Variants in RSRC1 observed in about 807,000 individuals in gnomAD.
RSRC1 encodes the protein arginine and serine rich coiled-coil 1.
RSRC1 carries 39 observed loss-of-function variants against 49.1 expected under a neutral mutation model. That is an observed-to-expected ratio of 0.79 (90% CI 0.61 to 1.04). The LOEUF is 1.04. RSRC1 is among the 50% of genes least tolerant of loss of function. The pLI, the probability that RSRC1 is intolerant of heterozygous loss-of-function variation, is 0.00. For synonymous variants in RSRC1, 143 were observed against 130.8 expected (o/e 1.09, Z -0.63); for missense variants, 388 against 402.4 (o/e 0.96, Z 0.31).
intron 7 of RSRC1, among the ~76,000 whole-genome samples, chr3:158,475,570 C>T (rs907867465): frequency 1.1e-4 from 17 of 152,100 alleles, no homozygotes; most frequent in African/African-American, 4.1e-4. Flanking sequence ...TAAACATGCT[C>T]ATTATATCTG....
intron 3 of RSRC1, among the ~76,000 whole-genome samples, chr3:158,195,929 C>T (rs375421220): frequency 0.075 from 11,350 of 151,350 alleles, 507 homozygotes; most frequent in South Asian, 0.13. Context: ...AGTCAGGTAG[C>T]GTGATGCCTC....
At chr3:158,132,206 A>C (rs1716081310) in intron 3 of RSRC1, 1 of 411,874 alleles carries the variant, frequency 2.4e-6, no homozygotes, top group Non-Finnish European at 5.0e-6. Flanking sequence ...GGCTGGTCTC[A>C]AATTCCTGAG....
intron 6 of RSRC1, among the ~76,000 whole-genome samples, chr3:158,375,457 C>T (rs747333601): frequency 1.3e-4 from 20 of 151,782 alleles, no homozygotes; most frequent in Non-Finnish European, 2.5e-4. Flanking sequence ...TCACTTCAGC[C>T]TCCCAAATTA....
At chr3:158,194,251 C>T (rs907899701) in intron 3 of RSRC1, among the ~76,000 whole-genome samples, 1 of 150,676 alleles carries the variant, frequency 6.6e-6, no homozygotes, top group Non-Finnish European at 1.5e-5. Context: ...TCCAGCCTGG[C>T]TGACAGAGTT....
chr3:158,410,045 G>A (rs1281310112), intron 6 of RSRC1, among the ~76,000 whole-genome samples: 1 of 152,076 alleles, frequency 6.6e-6, no homozygotes, highest in Non-Finnish European at 1.5e-5. Context: ...TACAGTCATA[G>A]TCTCATACAT....
chr3:158,371,800 A>G lies in RSRC1; in HGVS notation c.583+16892A>G, dbSNP rs76621596. On this transcript the variant is annotated intron_variant, in intron 6 of 9. Transcript: ENST00000611884. Reference sequence around the variant, plus strand: ...GCAAACTGTTTTCCAAAGTGGCTGAACCATATTTTGCTCCCAACAGCAGTC... The same window carrying G: ...GCAAACTGTTTTCCAAAGTGGCTGAGCCATATTTTGCTCCCAACAGCAGTC... Among the ~76,000 whole-genome samples the G allele has an allele frequency of 1.6e-3, 249 of 152,024 alleles. 3 individuals carry two copies. The East Asian group carries it at 0.033, about 20-fold the overall frequency.
intron 6 of RSRC1, among the ~76,000 whole-genome samples, chr3:158,391,361 A>T (rs1228148787): frequency 6.6e-6 from 1 of 152,076 alleles, no homozygotes; most frequent in African/African-American, 2.4e-5. Context: ...GTATTTTCTC[A>T]TCTCAGAGCT....
intron 5 of RSRC1, among the ~76,000 whole-genome samples, chr3:158,342,292 T>C (rs1730291036): frequency 6.6e-6 from 1 of 152,196 alleles, no homozygotes; most frequent in South Asian, 2.1e-4. Flanking sequence ...CAACTTGAAT[T>C]GTATCTTCCA....
At chr3:158,524,739 C>T (rs867057323) in intron 7 of RSRC1, among the ~76,000 whole-genome samples, 1 of 151,942 alleles carries the variant, frequency 6.6e-6, no homozygotes, top group Non-Finnish European at 1.5e-5. Context: ...TTGCTCAACC[C>T]TCATGTATAT....
intron 1 of RSRC1, among the ~76,000 whole-genome samples, chr3:158,121,209 G>A (rs1715235462): frequency 6.6e-6 from 1 of 151,768 alleles, no homozygotes; most frequent in African/African-American, 2.4e-5. Context: ...TTTTTCAGAT[G>A]TATTTGTAGA....
chr3:158,486,497 A>G (rs1738824302), intron 7 of RSRC1, among the ~76,000 whole-genome samples: 1 of 152,186 alleles, frequency 6.6e-6, no homozygotes, highest in African/African-American at 2.4e-5. Context: ...CATGTATAAA[A>G]CAAAGTAGAA....
At chr3:158,418,299 T>C (rs966126248) in intron 6 of RSRC1, among the ~76,000 whole-genome samples, 4 of 151,994 alleles carry the variant, frequency 2.6e-5, no homozygotes, top group Non-Finnish European at 5.9e-5. Flanking sequence ...TCAGAAAATA[T>C]GCTCCAAAGA....
intron 6 of RSRC1, among the ~76,000 whole-genome samples, chr3:158,440,918 G>T (rs1736349616): frequency 6.6e-6 from 1 of 151,802 alleles, no homozygotes; most frequent in Admixed American, 6.6e-5. Context: ...TTCCAGCCTG[G>T]GCAACATGAG....
At chr3:158,135,896 T>TA (rs2108187725) in intron 3 of RSRC1, among the ~76,000 whole-genome samples, 1 of 152,334 alleles carries the variant, frequency 6.6e-6, no homozygotes, top group South Asian at 2.1e-4. Context: ...CCATGATCTG[T>TA]AATTAATCTT....
intron 4 of RSRC1, among the ~76,000 whole-genome samples, chr3:158,256,923 T>G (rs1724596246): frequency 6.6e-6 from 1 of 152,180 alleles, no homozygotes; most frequent in Non-Finnish European, 1.5e-5. Flanking sequence ...GGTATCTCCT[T>G]TATCATTTTT....
At chr3:158,126,838 A>G (rs929806311) in intron 3 of RSRC1, among the ~76,000 whole-genome samples, 2 of 151,750 alleles carry the variant, frequency 1.3e-5, no homozygotes, top group Non-Finnish European at 1.5e-5. Context: ...TTGTAGAACA[A>G]TTTTGCTTGA....
intron 7 of RSRC1, among the ~76,000 whole-genome samples, chr3:158,517,755 A>ATTTTTT (rs766129663): frequency 0.01 from 353 of 35,030 alleles, 40 homozygotes; most frequent in East Asian, 0.022. Context: ...CACCCAGCTA[A>ATTTTTT]TTTTTTTTTT....
intron 3 of RSRC1, among the ~76,000 whole-genome samples, chr3:158,143,142 C>T (rs1199443766): frequency 6.6e-6 from 1 of 152,132 alleles, no homozygotes; most frequent in African/African-American, 2.4e-5. Context: ...ATATGCTAGA[C>T]CAGTTCAAGT....
chr3:158,483,806 A>T (rs1167550191), intron 7 of RSRC1, among the ~76,000 whole-genome samples: 1 of 152,004 alleles, frequency 6.6e-6, no homozygotes, highest in Non-Finnish European at 1.5e-5. Context: ...TGTTTCTTTT[A>T]TATATTGGTA....
Sources: gnomAD v4.1 joint callset for allele counts (sites outside exome capture counted in the v4.1 genomes callset) on GRCh38, gnomAD v4.1.1 for gene constraint, MANE v1.5 for transcripts, NCBI Gene and HGNC (gene_info 2026-07-23, HGNC 2026-07-21) for gene names.